The following SF3B1 variants were observed in gnomAD, a reference collection of about 807,000 sequenced individuals.
The protein encoded by SF3B1 is splicing factor 3b subunit 1.
In SF3B1, 12 loss-of-function variants were observed where a neutral mutation model predicts 153.8. That is an observed-to-expected ratio of 0.08 (90% CI 0.05 to 0.13). The LOEUF (loss-of-function observed/expected upper bound fraction) is 0.13, where lower values mean the gene tolerates loss of function less well. Among genes scored for constraint, SF3B1 ranks in the 10% least tolerant of loss-of-function variants. The pLI, the probability that SF3B1 is intolerant of heterozygous loss-of-function variation, is 1.00. For synonymous variants in SF3B1, 498 were observed against 525.2 expected, an observed-to-expected ratio of 0.95 and a Z score of 0.71; for missense variants, 513 against 1,606.1, an observed-to-expected ratio of 0.32 and a Z score of 11.63.
chr2:197,434,267 G>A (rs1039592644), intron 1 of SF3B1, among the ~76,000 whole-genome samples: 1 of 151,910 alleles, frequency 6.6e-6, no homozygotes, highest in African/African-American at 2.4e-5. Flanking sequence ...TATTCCCAAC[G>A]TTTTCCTAAT....
chr2:197,433,389 G>A (rs1377445247), intron 1 of SF3B1, among the ~76,000 whole-genome samples: 1 of 152,004 alleles, frequency 6.6e-6, no homozygotes, highest in Non-Finnish European at 1.5e-5. Context: ...CCTGTCTGAG[G>A]GCATCTTATA....
chr2:197,401,699 A>G lies in SF3B1; in HGVS notation c.2370+43T>C. On this transcript the variant is annotated intron_variant, in intron 16 of 24. Coordinates refer to ENST00000335508, the MANE Select transcript of SF3B1 (RefSeq NM_012433.4). This position sits in a 1 kb window ranked among gnomAD's most constrained non-coding sequence, Gnocchi z 4.2. ...AACACTTTAAAATTCTGTTAGAACC[A>G]TGAAACATATCCAGTTTACATTAAC... 1 of 1,575,350 alleles carries G rather than the reference A, an allele frequency of 6.3e-7. No individual in the cohort carries two copies. The highest frequency in any genetic ancestry group is 8.6e-7 in the Non-Finnish European group (1 of 1,158,090).
At chr2:197,406,074 A>G (rs977661510) in intron 9 of SF3B1, among the ~76,000 whole-genome samples, 2 of 150,976 alleles carry the variant, frequency 1.3e-5, no homozygotes, top group Non-Finnish European at 2.9e-5. Flanking sequence ...TGAAAATCAC[A>G]AAGAAATTTT....
At chr2:197,413,741 T>C (rs868714122) in intron 6 of SF3B1, among the ~76,000 whole-genome samples, 3 of 152,132 alleles carry the variant, frequency 2.0e-5, no homozygotes, top group Admixed American at 6.5e-5. Flanking sequence ...GGGTAGGATA[T>C]GGGGTAAGAG....
chr2:197,419,872 C>T (rs1398659861), intron 4 of SF3B1: 1 of 225,278 alleles, frequency 4.4e-6, no homozygotes, highest in East Asian at 6.4e-5. Context: ...TCACTATGCC[C>T]CTTGTGCTGA....
intron 23 of SF3B1, among the ~76,000 whole-genome samples, chr2:197,394,796 T>G (rs1043712309): frequency 2.6e-5 from 4 of 152,042 alleles, no homozygotes; most frequent in African/African-American, 9.7e-5. Context: ...TCCCAGCTAC[T>G]TGGGAGGCTG....
chr2:197,396,737 TC>T (rs1396940529), intron 22 of SF3B1, among the ~76,000 whole-genome samples: 2 of 152,224 alleles, frequency 1.3e-5, no homozygotes, highest in Non-Finnish European at 2.9e-5. Context: ...AATTGTAGTC[TC>T]CCATTATAAA....
At chr2:197,404,457 G>A (rs935736967) in intron 11 of SF3B1, among the ~76,000 whole-genome samples, 3 of 152,076 alleles carry the variant, frequency 2.0e-5, no homozygotes, top group Non-Finnish European at 2.9e-5. Context: ...GTGCACGCCT[G>A]TAGTCCCAGC....
chr2:197,426,667 T>C (rs1431040369), intron 1 of SF3B1, among the ~76,000 whole-genome samples: 1 of 152,120 alleles, frequency 6.6e-6, no homozygotes, highest in Non-Finnish European at 1.5e-5. Flanking sequence ...GTTACAAAGG[T>C]AGAACCTTAG....
chr2:197,434,991 C>T lies in SF3B1; in HGVS notation c.9G>A (p.Lys3=), dbSNP rs1417266098. Residue 3 remains lysine, a synonymous_variant, in exon 1 of 25, where the codon AAG becomes AAA. Transcript: ENST00000335508. ...GCTTACCTTCGTGAGTCTTGGCGAT[C>T]TTCGCCATTTTGTCCACTCGAACAC... is the stretch of plus-strand genomic sequence containing the variant. The part of the protein sequence containing the change: MA[K]IAKTHEDIEA... The T allele has an allele frequency of 4.3e-6, 7 of 1,614,264 alleles. No individual in the cohort carries two copies. Among genetic ancestry groups the T allele is most frequent in the South Asian group, 3.3e-5 (3 of 91,090 alleles).
At chr2:197,410,663 G>A (rs1173300164) in intron 6 of SF3B1, among the ~76,000 whole-genome samples, 1 of 151,518 alleles carries the variant, frequency 6.6e-6, no homozygotes, top group African/African-American at 2.4e-5. Flanking sequence ...CTGCCACCAC[G>A]CCGGGCTAAT....
At chr2:197,416,291 T>C (rs180672557) in intron 6 of SF3B1, among the ~76,000 whole-genome samples, 1 of 152,314 alleles carries the variant, frequency 6.6e-6, no homozygotes, top group Non-Finnish European at 1.5e-5. Context: ...TACAGGTCTG[T>C]ATTTAATATT....
chr2:197,422,727 A>G (rs1177994563), intron 2 of SF3B1, among the ~76,000 whole-genome samples: 1 of 151,860 alleles, frequency 6.6e-6, no homozygotes, highest in East Asian at 1.9e-4. Context: ...CGTCTCTACT[A>G]AAAATACAAA....
At chr2:197,409,582 T>C (rs1484175079) in intron 7 of SF3B1, among the ~76,000 whole-genome samples, 188 bp downstream of exon 7, 1 of 152,182 alleles carries the variant, frequency 6.6e-6, no homozygotes, top group South Asian at 2.1e-4. Flanking sequence ...CCTAAGGTTC[T>C]TCCTTAAATC....
At chr2:197,407,896 T>C (rs2085015565) in intron 9 of SF3B1, 102 bp downstream of exon 9, 8 of 934,734 alleles carry the variant, frequency 8.6e-6, no homozygotes, top group East Asian at 2.5e-5. Context: ...GGAATGACAA[T>C]AGTAAATTTG....
At chr2:197,423,369 CAA>C (rs775495226) in intron 2 of SF3B1, among the ~76,000 whole-genome samples, 23 of 68,874 alleles carry the variant, frequency 3.3e-4, no homozygotes, top group Admixed American at 5.1e-4. Flanking sequence ...GAGACTGTCT[CAA>C]AAAAAAAAAA....
At position 197,401,576 on chromosome 2, in the gene SF3B1, G is replaced by T; in HGVS notation, c.2371-51C>A. ...TAAATCAACTGACCTGAAATGAAGA[G>T]AATACTCATTGCTGATTACGTGATT... On this transcript the variant is annotated intron_variant, in intron 16 of 24. Transcript: ENST00000335508. The surrounding 1 kb of genome is among the most constrained non-coding windows in gnomAD (Gnocchi z 4.2). 2 of 1,531,214 alleles carry T rather than the reference G, an allele frequency of 1.3e-6. No homozygotes were observed. The highest frequency in any genetic ancestry group is 9.0e-7 in the Non-Finnish European group (1 of 1,115,166). 94.9% of individuals were successfully genotyped at this position (1,531,214 alleles called of 1,614,324 possible).
intron 6 of SF3B1, among the ~76,000 whole-genome samples, chr2:197,411,063 G>A (rs2085060185): frequency 6.6e-6 from 1 of 152,086 alleles, no homozygotes; most frequent in African/African-American, 2.4e-5. Context: ...TCAGCCTCCT[G>A]AGTAGCTGAG....
Position 197,400,238 on chromosome 2 carries a change from A to G in SF3B1, c.2901+14T>C. 2.5e-6 allele frequency: 4 copies of G among 1,612,692 alleles called. No homozygotes were observed. The highest frequency in any genetic ancestry group is 3.4e-6 in the Non-Finnish European group (4 of 1,178,938). ...TATTTGGGGAAGAAGTAAGAATTTG[A>G]TGCAAAAGTTTACCTCTTGACAAGT... On this transcript the variant is annotated intron_variant, in intron 19 of 24. Transcript: ENST00000335508. This position sits in a 1 kb window ranked among gnomAD's most constrained non-coding sequence, Gnocchi z 5.0.
Sources: gnomAD v4.1 joint callset for allele counts (sites outside exome capture counted in the v4.1 genomes callset) on GRCh38, gnomAD v4.1.1 for gene constraint, Gnocchi (gnomAD v3.1) non-coding constraint, MANE v1.5 for transcripts, NCBI Gene and HGNC (gene_info 2026-07-23, HGNC 2026-07-21) for gene names.